LRRTM4: variants seen among roughly 807,000 people sequenced by gnomAD.
LRRTM4 encodes leucine rich repeat transmembrane neuronal 4.
Under a neutral mutation model 47.6 loss-of-function variants are expected in LRRTM4, and 25 were observed. The ratio of observed to expected loss-of-function variants is 0.53; its 90% CI spans 0.38 to 0.73. The LOEUF (loss-of-function observed/expected upper bound fraction) is 0.73, where lower values mean the gene tolerates loss of function less well. Ranked by LOEUF, LRRTM4 falls within the 30% of genes least tolerant of loss-of-function variation. LRRTM4 has a pLI of 0.00. For synonymous variants in LRRTM4, 311 were observed against 269.5 expected, an observed-to-expected ratio of 1.15 and a Z score of -1.51; for missense variants, 638 against 713.4, an observed-to-expected ratio of 0.89 and a Z score of 1.20.
chr2:77,477,961 AAG>A (rs1477355783), intron 3 of LRRTM4, among the ~76,000 whole-genome samples: 144 of 135,942 alleles, frequency 1.1e-3, no homozygotes, highest in African/African-American at 3.6e-3. Context: ...GAAAGAAAGA[AAG>A]AAAGAAAAAG....
chr2:76,765,182 G>A (rs1017131637), intron 3 of LRRTM4, among the ~76,000 whole-genome samples: 6 of 152,132 alleles, frequency 3.9e-5, no homozygotes, highest in Admixed American at 3.3e-4. Context: ...AGAATAGGTC[G>A]TCTATTCTAT....
chr2:77,025,653 C>T (rs181639499), intron 3 of LRRTM4, among the ~76,000 whole-genome samples: 133 of 152,216 alleles, frequency 8.7e-4, no homozygotes, highest in African/African-American at 2.9e-3. Flanking sequence ...AGAAAAAGGA[C>T]AAGGCTGGTA....
In LRRTM4 at chr2:77,141,056, CAG is replaced by C. The variant is rs1390705746; in HGVS notation, c.1551+377260_1551+377261del. The stretch of plus-strand genomic sequence containing the variant: ...AAACTAGTTCAACCATTGTGGAAGA[CAG>C]TGTGGCAATTCCTCAAGGATCTAGA... On this transcript the variant is annotated intron_variant, in intron 3 of 3. Transcript: ENST00000409884. Among the ~76,000 whole-genome samples, 16 of 152,242 alleles carry C rather than the reference CAG, an allele frequency of 1.1e-4. 2 individuals carry two copies. The highest frequency in any genetic ancestry group is 3.1e-4 in the African/African-American group (13 of 41,542).
chr2:76,965,639 C>T (rs7422204), intron 3 of LRRTM4, among the ~76,000 whole-genome samples: 87,760 of 150,986 alleles, frequency 0.58, 27,994 homozygotes, highest in African/African-American at 0.84. Context: ...CTGACTTAGC[C>T]TGATTTTAGC....
chr2:77,134,548 G>T (rs935590361), intron 3 of LRRTM4, among the ~76,000 whole-genome samples: 1 of 152,052 alleles, frequency 6.6e-6, no homozygotes, highest in Non-Finnish European at 1.5e-5. Context: ...CAAAGAACTG[G>T]ACTTAATGCT....
chr2:77,062,349 T>C (rs1387425788), intron 3 of LRRTM4, among the ~76,000 whole-genome samples: 3 of 152,178 alleles, frequency 2.0e-5, no homozygotes, highest in Non-Finnish European at 1.5e-5. Context: ...ATGTTATCCT[T>C]TAAAAATGTT....
At position 76,913,992 on chromosome 2, in the gene LRRTM4, G is replaced by C. The variant is rs1412565378; in HGVS notation, c.1552-165076C>G. Among the ~76,000 whole-genome samples, 11 of 151,832 alleles carry C rather than the reference G, an allele frequency of 7.2e-5. No homozygotes were observed. The East Asian group carries it at 1.4e-3, about 19-fold the overall frequency. ...TGCATATCTCTTCAATATTTAAAAA[G>C]TATAATGTACAATTAAAGATATAAA... On this transcript the variant is annotated intron_variant, in intron 3 of 3. Coordinates refer to ENST00000409884, the MANE Select transcript of LRRTM4 (RefSeq NM_001134745.3).
At chr2:77,394,642 G>C (rs1673629252) in intron 3 of LRRTM4, among the ~76,000 whole-genome samples, 1 of 151,972 alleles carries the variant, frequency 6.6e-6, no homozygotes, top group Admixed American at 6.6e-5. Flanking sequence ...TACAGGAGGA[G>C]CCGTGAATAT....
intron 3 of LRRTM4, among the ~76,000 whole-genome samples, chr2:77,295,518 C>T (rs1236795011): frequency 6.6e-6 from 1 of 152,118 alleles, no homozygotes; most frequent in Non-Finnish European, 1.5e-5. Context: ...TATGACATGA[C>T]CATCATTGCA....
intron 3 of LRRTM4, among the ~76,000 whole-genome samples, chr2:76,819,210 A>G (rs1670986377): frequency 6.6e-6 from 1 of 151,550 alleles, no homozygotes; most frequent in Non-Finnish European, 1.5e-5. Context: ...TTGCCATGTT[A>G]TTATGTGCCT....
chr2:77,501,024 GT>G (rs1011276909), intron 3 of LRRTM4, among the ~76,000 whole-genome samples: 1 of 151,038 alleles, frequency 6.6e-6, no homozygotes, highest in Non-Finnish European at 1.5e-5. Flanking sequence ...AGAACAGAGA[GT>G]TAACAATGAT....
At chr2:76,920,884 A>T (rs1313244674) in intron 3 of LRRTM4, among the ~76,000 whole-genome samples, 1 of 151,864 alleles carries the variant, frequency 6.6e-6, no homozygotes, top group Non-Finnish European at 1.5e-5. Flanking sequence ...GTTTTCTTCA[A>T]TTTAAACACA....
chr2:76,828,756 C>T (rs1461388152), intron 3 of LRRTM4, among the ~76,000 whole-genome samples: 1 of 151,872 alleles, frequency 6.6e-6, no homozygotes, highest in Middle Eastern at 3.2e-3. Flanking sequence ...GATTCATCTT[C>T]TGTCTCCCAG....
At chr2:76,882,929 G>A (rs1035629436) in intron 3 of LRRTM4, among the ~76,000 whole-genome samples, 3 of 151,928 alleles carry the variant, frequency 2.0e-5, no homozygotes, top group Non-Finnish European at 4.4e-5. Flanking sequence ...CTCTTGCTTG[G>A]ATTGTTTGCT....
intron 3 of LRRTM4, among the ~76,000 whole-genome samples, chr2:77,158,388 T>A (rs1315766329): frequency 6.6e-6 from 1 of 152,204 alleles, no homozygotes; most frequent in East Asian, 1.9e-4. Flanking sequence ...TGCATATTTG[T>A]TTGAAATTAT....
chr2:76,902,987 A>G (rs909251736), intron 3 of LRRTM4, among the ~76,000 whole-genome samples: 6 of 152,192 alleles, frequency 3.9e-5, no homozygotes, highest in Non-Finnish European at 7.3e-5. Context: ...AGGTTAATGT[A>G]ATTTTAAACT....
intron 3 of LRRTM4, among the ~76,000 whole-genome samples, chr2:77,159,177 G>T (rs557065732): frequency 7.0e-6 from 1 of 143,070 alleles, no homozygotes; most frequent in Non-Finnish European, 1.6e-5. Context: ...GTGATTTAGC[G>T]GTGCTAACTC....
intron 3 of LRRTM4, among the ~76,000 whole-genome samples, chr2:76,922,433 C>G (rs1558740149): frequency 6.6e-6 from 1 of 151,980 alleles, no homozygotes; most frequent in Non-Finnish European, 1.5e-5. Flanking sequence ...TATGAGAACT[C>G]ACTTACTGTC....
At chr2:76,974,241 C>CAT (rs201885066) in intron 3 of LRRTM4, among the ~76,000 whole-genome samples, 185 of 109,836 alleles carry the variant, frequency 1.7e-3, no homozygotes, top group South Asian at 0.017. Context: ...TATATATATA[C>CAT]ATATATATAT....
Sources: gnomAD v4.1 joint callset for allele counts (sites outside exome capture counted in the v4.1 genomes callset) on GRCh38, gnomAD v4.1.1 for gene constraint, MANE v1.5 for transcripts, NCBI Gene and HGNC (gene_info 2026-07-23, HGNC 2026-07-21) for gene names.